ASTN2: variants seen among roughly 807,000 people sequenced by gnomAD.
ASTN2 encodes the protein astrotactin-2.
A neutral mutation model predicts 139.8 loss-of-function variants in ASTN2; 54 were observed. That is an observed-to-expected ratio of 0.39 (90% confidence interval 0.31 to 0.48). The LOEUF (loss-of-function observed/expected upper bound fraction) is 0.48, where lower values mean the gene tolerates loss of function less well. Among genes scored for constraint, ASTN2 ranks in the 20% least tolerant of loss-of-function variants. ASTN2 has a pLI of 0.95. For missense variants in ASTN2, 1,565 were observed against 1,725.1 expected (o/e 0.91, Z 1.64); for synonymous variants, 756 against 719.5 (o/e 1.05, Z -0.81).
intron 1 of ASTN2, among the ~76,000 whole-genome samples, chr9:117,310,504 A>G (rs1827940993): frequency 6.6e-6 from 1 of 152,198 alleles, no homozygotes; most frequent in Non-Finnish European, 1.5e-5. Context: ...CAGAAATGTC[A>G]TGGAGTTTTA....
intron 4 of ASTN2, among the ~76,000 whole-genome samples, chr9:117,104,297 T>C (rs2086459386): frequency 6.6e-6 from 1 of 152,166 alleles, no homozygotes; most frequent in Non-Finnish European, 1.5e-5. Flanking sequence ...TCATAGCATA[T>C]AGTCTTTCAT....
intron 1 of ASTN2, among the ~76,000 whole-genome samples, chr9:117,303,036 T>G (rs1054424659): frequency 2.0e-5 from 3 of 152,152 alleles, no homozygotes; most frequent in African/African-American, 7.2e-5. Context: ...AAAACCCAGC[T>G]GAAGTGACCC....
At chr9:116,703,776 G>A (rs1827916856) in intron 16 of ASTN2, among the ~76,000 whole-genome samples, 1 of 151,608 alleles carries the variant, frequency 6.6e-6, no homozygotes, top group Non-Finnish European at 1.5e-5. Context: ...GGAGGGAAGT[G>A]GAAGGGAGAA....
At chr9:117,329,634 G>A (rs965885228) in intron 1 of ASTN2, among the ~76,000 whole-genome samples, 3 of 152,160 alleles carry the variant, frequency 2.0e-5, no homozygotes, top group African/African-American at 7.2e-5. Context: ...ATGCAGTGGA[G>A]GTGAGAGGAG....
chr9:116,556,236 G>A (rs368202503), intron 19 of ASTN2, among the ~76,000 whole-genome samples: 3 of 152,208 alleles, frequency 2.0e-5, no homozygotes, highest in South Asian at 4.1e-4. Context: ...AAGAGACTGG[G>A]AAAATTTTAT....
intron 11 of ASTN2, among the ~76,000 whole-genome samples, chr9:116,847,007 C>CAAAA (rs11302692): frequency 2.1e-4 from 16 of 75,818 alleles, no homozygotes; most frequent in African/African-American, 6.9e-4. Context: ...GCTTCATTCT[C>CAAAA]AAAAAAAAAA....
chr9:116,816,724 TG>T (rs1564283705), intron 12 of ASTN2, among the ~76,000 whole-genome samples: 1 of 151,600 alleles, frequency 6.6e-6, no homozygotes, highest in African/African-American at 2.4e-5. Context: ...GGGAGAGCCA[TG>T]GGGCCTGTGC....
intron 1 of ASTN2, among the ~76,000 whole-genome samples, chr9:117,382,012 A>G (rs1830285389): frequency 6.6e-6 from 1 of 152,176 alleles, no homozygotes; most frequent in African/African-American, 2.4e-5. Flanking sequence ...AGAGAGTGAT[A>G]GCACTTAAGT....
chr9:116,778,836 A>C (rs1830148637), intron 13 of ASTN2, among the ~76,000 whole-genome samples: 1 of 152,194 alleles, frequency 6.6e-6, no homozygotes, highest in African/African-American at 2.4e-5. Flanking sequence ...TTAGGAGAAC[A>C]GAGGGGGCCC....
chr9:116,975,271 G>C lies in ASTN2; in HGVS notation c.1826C>G (p.Ser609Cys). The change falls in exon 10 of 23, where the codon TCC (serine) becomes TGC (cysteine). Residue 609 changes from serine to cysteine, a missense_variant. Physicochemically the swap from Ser to Cys is moderately radical, Grantham distance 112 (BLOSUM62 -1). This residue lies in a region of ASTN2 where 503 missense variants were observed against 591.7 expected (regional missense o/e 0.85). Coordinates refer to ENST00000313400, the MANE Select transcript of ASTN2 (RefSeq NM_001365068.1). Reference protein sequence around the residue: ...KSFVVPPVELSINPLASCKTD... With the variant: ...KSFVVPPVELCINPLASCKTD... ...CTTGCAGCTGGCCAGGGGGTTGATGGACAGCTCCACAGGCGGAACCACAAA... is the reference window on the plus strand; with the variant it reads ...CTTGCAGCTGGCCAGGGGGTTGATGCACAGCTCCACAGGCGGAACCACAAA... 1 of 1,613,500 alleles carries C rather than the reference G, an allele frequency of 6.2e-7. No individual in the cohort carries two copies. The highest frequency in any genetic ancestry group is 2.2e-5 in the East Asian group (1 of 44,822).
intron 19 of ASTN2, among the ~76,000 whole-genome samples, chr9:116,595,674 G>C: frequency 6.6e-6 from 1 of 151,900 alleles, no homozygotes; most frequent in Non-Finnish European, 1.5e-5. Context: ...ATACCTTTCT[G>C]CTTGTGGTGT....
intron 10 of ASTN2, among the ~76,000 whole-genome samples, chr9:116,875,040 A>G (rs1295310024): frequency 1.3e-5 from 2 of 152,150 alleles, no homozygotes; most frequent in East Asian, 3.9e-4. Context: ...CCTATTAATA[A>G]CCCTACAATT....
chr9:116,719,182 G>A (rs982515198), intron 16 of ASTN2, among the ~76,000 whole-genome samples: 7 of 151,512 alleles, frequency 4.6e-5, no homozygotes, highest in Non-Finnish European at 8.8e-5. Context: ...GGAATAGGGT[G>A]GCAACAGTGA....
At chr9:116,876,436 A>G (rs1833300714) in intron 10 of ASTN2, among the ~76,000 whole-genome samples, 1 of 152,258 alleles carries the variant, frequency 6.6e-6, no homozygotes, top group Non-Finnish European at 1.5e-5. Flanking sequence ...TTAAAATATT[A>G]CATAAACTTG....
chr9:116,999,774 G>C (rs1837141860), intron 7 of ASTN2, among the ~76,000 whole-genome samples: 1 of 151,870 alleles, frequency 6.6e-6, no homozygotes. Context: ...GGGCCAGGCT[G>C]GTCTCGAACT....
intron 10 of ASTN2, among the ~76,000 whole-genome samples, chr9:116,909,553 A>C (rs1834257499): frequency 6.6e-6 from 1 of 152,150 alleles, no homozygotes; most frequent in African/African-American, 2.4e-5. Context: ...TAGCTGTCCA[A>C]ATGGAGGCAT....
chr9:117,400,401 T>TG (rs1364954188), intron 1 of ASTN2, among the ~76,000 whole-genome samples: 2 of 151,776 alleles, frequency 1.3e-5, no homozygotes, highest in Non-Finnish European at 2.9e-5. Context: ...GGCAAGTGAG[T>TG]GGGGGCGATT....
chr9:116,500,189 T>C (rs768333241), intron 19 of ASTN2, among the ~76,000 whole-genome samples: 4 of 152,128 alleles, frequency 2.6e-5, no homozygotes, highest in Non-Finnish European at 2.9e-5. Flanking sequence ...GCAGTGAGGA[T>C]TGCTCTTCTC....
At chr9:117,374,437 T>C (rs1830069261) in intron 1 of ASTN2, among the ~76,000 whole-genome samples, 2 of 144,138 alleles carry the variant, frequency 1.4e-5, no homozygotes, top group Non-Finnish European at 3.0e-5. Flanking sequence ...TCAATAGAAT[T>C]ACAAAGACAA....
Sources: allele counts gnomAD v4.1 joint callset (sites outside exome capture counted in the v4.1 genomes callset), GRCh38; gene constraint gnomAD v4.1.1; regional missense constraint gnomAD v4.1.1; transcripts MANE v1.5; gene names NCBI Gene and HGNC (gene_info 2026-07-23, HGNC 2026-07-21).